Variants in PTBP3 observed in about 807,000 individuals in gnomAD.
PTBP3 encodes polypyrimidine tract-binding protein 3.
A neutral mutation model predicts 58.7 loss-of-function variants in PTBP3; 20 were observed. That is an observed-to-expected ratio of 0.34 (90% CI 0.24 to 0.50). The LOEUF (loss-of-function observed/expected upper bound fraction) is 0.50, where lower values mean the gene tolerates loss of function less well. Ranked by LOEUF, PTBP3 falls within the 20% of genes least tolerant of loss-of-function variation. The probability of loss-of-function intolerance (pLI) is 0.98; values close to 1 mark genes in which losing one functional copy is unlikely to be tolerated. For synonymous variants in PTBP3, 185 were observed against 219.8 expected (o/e 0.84, Z 1.40); for missense variants, 509 against 637.2 (o/e 0.80, Z 2.17).
chr9:112,379,847 C>T, the PTBP3 span: 3 of 513,170 alleles, frequency 5.8e-6, no homozygotes, highest in South Asian at 4.8e-5. Flanking sequence ...AGACGCTAGG[C>T]GCCGACAGGA....
At chr9:112,256,359 TA>T (rs2132102709) in intron 5 of PTBP3, among the ~76,000 whole-genome samples, 1 of 150,602 alleles carries the variant, frequency 6.6e-6, no homozygotes, top group South Asian at 2.1e-4. Flanking sequence ...TTTATTTATA[TA>T]ACTGTCTCCT....
the PTBP3 span, among the ~76,000 whole-genome samples, chr9:112,339,987 CAG>C: frequency 6.6e-6 from 1 of 151,976 alleles, no homozygotes; most frequent in Admixed American, 6.6e-5. Flanking sequence ...TTTCTTGAGA[CAG>C]GGTATCGCTC....
intron 5 of PTBP3, among the ~76,000 whole-genome samples, chr9:112,261,254 A>C (rs6477904): frequency 6.6e-6 from 1 of 152,002 alleles, no homozygotes; most frequent in Non-Finnish European, 1.5e-5. Flanking sequence ...TCACAAATGC[A>C]TATGTTTTAA....
chr9:112,374,077 A>G, the PTBP3 span, among the ~76,000 whole-genome samples: 1 of 152,002 alleles, frequency 6.6e-6, no homozygotes, highest in Non-Finnish European at 1.5e-5. Context: ...TTTCCCATCG[A>G]CCTTAACCAC....
intron 2 of PTBP3, among the ~76,000 whole-genome samples, chr9:112,285,380 A>G (rs527914832): frequency 1.4e-4 from 21 of 152,288 alleles, no homozygotes; most frequent in African/African-American, 5.1e-4. Context: ...TTTCTTTATA[A>G]TTATCCAGGC....
chr9:112,275,348 T>C (rs2132199492), intron 3 of PTBP3, among the ~76,000 whole-genome samples: 1 of 152,308 alleles, frequency 6.6e-6, no homozygotes, highest in Non-Finnish European at 1.5e-5. Context: ...TTGCCCAGGC[T>C]GATCTCGAAC....
intron 10 of PTBP3, among the ~76,000 whole-genome samples, chr9:112,230,161 C>T (rs1835146109): frequency 6.6e-6 from 1 of 151,900 alleles, no homozygotes; most frequent in Non-Finnish European, 1.5e-5. Flanking sequence ...GAAAAAATTC[C>T]ATTAAAAAAA....
chr9:112,251,588 C>T (rs1422197735), intron 6 of PTBP3, among the ~76,000 whole-genome samples: 2 of 152,022 alleles, frequency 1.3e-5, no homozygotes, highest in African/African-American at 4.8e-5. Flanking sequence ...ATATTACCTA[C>T]CACTTATTTT....
chr9:112,285,502 T>C (rs917364373), intron 2 of PTBP3, among the ~76,000 whole-genome samples: 10 of 152,200 alleles, frequency 6.6e-5, no homozygotes, highest in African/African-American at 2.4e-4. Context: ...ATACTGTCAA[T>C]TAGATCAAGC....
intron 5 of PTBP3, among the ~76,000 whole-genome samples, chr9:112,253,336 G>C (rs1216810861): frequency 6.6e-6 from 1 of 152,174 alleles, no homozygotes; most frequent in East Asian, 1.9e-4. Context: ...AGAAGGGAAG[G>C]GGTGAGCACG....
chr9:112,299,951 A>C (rs1227171773), intron 1 of PTBP3, among the ~76,000 whole-genome samples: 1 of 152,236 alleles, frequency 6.6e-6, no homozygotes, highest in African/African-American at 2.4e-5. Context: ...ACAAGAAATA[A>C]ATGTTTTTTT....
chr9:112,256,412 T>C (rs1347796693), intron 5 of PTBP3, among the ~76,000 whole-genome samples: 1 of 151,520 alleles, frequency 6.6e-6, no homozygotes, highest in East Asian at 1.9e-4. Context: ...TACCTTGTCT[T>C]AATCATTTCT....
intron 5 of PTBP3, among the ~76,000 whole-genome samples, chr9:112,256,208 C>T (rs1353521281): frequency 1.4e-5 from 2 of 145,854 alleles, no homozygotes; most frequent in East Asian, 2.0e-4. Flanking sequence ...GAGCTGAAAT[C>T]GGGCCATTGC....
chr9:112,360,665 C>T, the PTBP3 span, among the ~76,000 whole-genome samples: 1 of 152,082 alleles, frequency 6.6e-6, no homozygotes, highest in Non-Finnish European at 1.5e-5. Flanking sequence ...CTGGAGAAGC[C>T]TAAAACATCT....
At chr9:112,235,746 A>G (rs1237955442) in intron 7 of PTBP3, among the ~76,000 whole-genome samples, 1 of 152,212 alleles carries the variant, frequency 6.6e-6, no homozygotes, top group Non-Finnish European at 1.5e-5. Context: ...TGAGAGCTCC[A>G]CTTAAAAAGA....
At chr9:112,244,289 C>CAAAAAAAAAAAAAAAAAAAAAAAAAAAAA (rs56052359) in intron 7 of PTBP3, among the ~76,000 whole-genome samples, 12 of 36,296 alleles carry the variant, frequency 3.3e-4, no homozygotes, top group East Asian at 2.2e-3. Flanking sequence ...GACTCTGTCT[C>CAAAAAAAAAAAAAAAAAAAAAAAAAAAAA]AAAAAAAAAA....
At chr9:112,309,584 G>A (rs1004721873) in intron 1 of PTBP3, among the ~76,000 whole-genome samples, 1 of 152,068 alleles carries the variant, frequency 6.6e-6, no homozygotes, top group Middle Eastern at 3.2e-3. Flanking sequence ...TCAGGAGTTT[G>A]AGACCAGTCT....
At chr9:112,293,128 A>G (rs1828518945) in intron 2 of PTBP3, among the ~76,000 whole-genome samples, 1 of 152,196 alleles carries the variant, frequency 6.6e-6, no homozygotes, top group African/African-American at 2.4e-5. Context: ...CCCAGACAGG[A>G]AGGACGATAT....
Position 112,234,901 on chromosome 9 carries a change from A to T in PTBP3, c.803-4T>A. On this transcript the variant is annotated splice_region_variant and splice_polypyrimidine_tract_variant and intron_variant, in intron 7 of 13. Coordinates refer to ENST00000374257, the MANE Select transcript of PTBP3 (RefSeq NM_001163788.4). Reference sequence around the variant, plus strand: ...GAAGAAATTATACCCGGTGCACCTAATGGGAAAGAGAAGCTAAAGTAAACA... The same window carrying T: ...GAAGAAATTATACCCGGTGCACCTATTGGGAAAGAGAAGCTAAAGTAAACA... 1.2e-6 allele frequency: 2 copies of T among 1,609,284 alleles called. No homozygotes were observed. Among genetic ancestry groups the T allele is most frequent in the Non-Finnish European group, 1.7e-6 (2 of 1,176,408 alleles).
Sources: gnomAD v4.1 joint callset for allele counts (sites outside exome capture counted in the v4.1 genomes callset) on GRCh38, gnomAD v4.1.1 for gene constraint, MANE v1.5 for transcripts, NCBI Gene and HGNC (gene_info 2026-07-23, HGNC 2026-07-21) for gene names.